Variants in ZFP82 observed in about 807,000 individuals in gnomAD.
ZFP82 encodes zinc finger protein 82 homolog.
In ZFP82, 30 loss-of-function variants were observed where a neutral mutation model predicts 54.0. The ratio of observed to expected loss-of-function variants is 0.56; its 90% CI spans 0.42 to 0.75. ZFP82 has a LOEUF of 0.75. ZFP82 is among the 30% of genes least tolerant of loss of function. The pLI is 0.00. For missense variants in ZFP82, 500 were observed against 636.8 expected (o/e 0.79, Z 2.31); for synonymous variants, 194 against 209.5 (o/e 0.93, Z 0.64).
rs2032169002 is a variant in ZFP82 at position 36,390,074 on chromosome 19, GCT to G, written c.*2665_*2666del. 6.6e-6 allele frequency among the ~76,000 whole-genome samples: 1 copy of G among 152,124 alleles called. No homozygotes were observed. Among genetic ancestry groups the G allele is most frequent in the African/African-American group, 2.4e-5 (1 of 41,428 alleles). On this transcript the variant is annotated 3_prime_UTR_variant, in exon 5 of 5. Transcript: ENST00000392161. The stretch of plus-strand genomic sequence containing the variant: ...CAATAAAAGCTCTGGGCCATGCTGT[GCT>G]CTCACCCTCTGCCTCCTGATACACC...
intron 4 of ZFP82, among the ~76,000 whole-genome samples, chr19:36,403,571 G>C (rs975197563): frequency 7.6e-6 from 1 of 131,492 alleles, no homozygotes; most frequent in African/African-American, 2.9e-5. Flanking sequence ...AGTGAGCCAA[G>C]ATCACGCCAC....
chr19:36,393,036 G>GA lies in ZFP82; in HGVS notation c.1303dup (p.Ser435PhefsTer13), dbSNP rs1220197321. The GA allele has an allele frequency of 1.1e-5, 18 of 1,614,134 alleles. No individual in the cohort carries two copies. The highest frequency in any genetic ancestry group is 1.4e-5 in the Non-Finnish European group (17 of 1,180,022). On this transcript the variant is annotated frameshift_variant, in exon 5 of 5. Transcript: ENST00000392161. LOFTEE classifies it high-confidence loss of function. ...AATACTCTGATGCTGTGTGAGTTGT[G>GA]AAAGTAGTCTGAAGGCCTTCCCGCA...
intron 1 of ZFP82, among the ~76,000 whole-genome samples, chr19:36,418,018 C>G (rs2032702641): frequency 6.6e-6 from 1 of 152,126 alleles, no homozygotes; most frequent in Non-Finnish European, 1.5e-5. Context: ...TAGGCTCAAG[C>G]CATCCTCCCG....
chr19:36,383,574 C>T (rs2032083442), exon 2 of ZFP82: 1 of 146,876 alleles, frequency 6.8e-6, no homozygotes, highest in Non-Finnish European at 1.5e-5. Context: ...GACTCTATTA[C>T]AATAACAATA....
rs2032163366 is a variant in ZFP82, at chr19:36,389,763, G to A, written c.*2978C>T. On this transcript the variant is annotated 3_prime_UTR_variant, in exon 5 of 5. Coordinates refer to ENST00000392161, the MANE Select transcript of ZFP82 (RefSeq NM_133466.4). ...ATTCCTGATGCTCTGGCCACTTGGG[G>A]CCTTGATCCTGGATAGGCTGCCCCT... Among the ~76,000 whole-genome samples, 2 of 152,068 alleles carry A rather than the reference G, an allele frequency of 1.3e-5. No individual in the cohort carries two copies. The highest frequency in any genetic ancestry group is 6.6e-5 in the Admixed American group (1 of 15,266).
chr19:36,409,849 C>A lies in ZFP82; in HGVS notation c.-60G>T. 6.3e-7 allele frequency: 1 copy of A among 1,593,912 alleles called. No individual in the cohort carries two copies. ...GGGGTTTACTTGCCAGGAGAAGCAC[C>A]GAGTCCACAGAGGCTGATCTAGGGA... On this transcript the variant is annotated 5_prime_UTR_variant, in exon 2 of 5. Coordinates refer to ENST00000392161, the MANE Select transcript of ZFP82 (RefSeq NM_133466.4).
At chr19:36,384,912 C>G (rs1433467662), downstream of ZFP82, among the ~76,000 whole-genome samples, 1 of 152,136 alleles carries the variant, frequency 6.6e-6, no homozygotes, top group Non-Finnish European at 1.5e-5. Context: ...GCAAACTGGA[C>G]TTGGAGGTAC....
Position 36,392,688 on chromosome 19 carries a change from T to C in ZFP82, c.*53A>G, listed in dbSNP as rs1451714373. 6.1e-6 allele frequency: 9 copies of C among 1,464,032 alleles called. No homozygotes were observed. In the African/African-American group the frequency reaches 8.5e-5, roughly 14 times the overall value. 90.7% of individuals were successfully genotyped at this position (1,464,032 alleles called of 1,614,324 possible). On this transcript the variant is annotated 3_prime_UTR_variant, in exon 5 of 5. Transcript: ENST00000392161. ...AGTTGCATGTATGGAGCAAAATAGA[T>C]TAATTACTACATTCATAGAATGTTC...
Position 36,392,684 on chromosome 19 carries a change from T to C in ZFP82, c.*57A>G, listed in dbSNP as rs545857530. Reference sequence around the variant, plus strand: ...ACGCAGTTGCATGTATGGAGCAAAATAGATTAATTACTACATTCATAGAAT... The same window carrying C: ...ACGCAGTTGCATGTATGGAGCAAAACAGATTAATTACTACATTCATAGAAT... On this transcript the variant is annotated 3_prime_UTR_variant, in exon 5 of 5. Transcript: ENST00000392161. The C allele has an allele frequency of 3.2e-5, 46 of 1,451,092 alleles. No homozygotes were observed. Among genetic ancestry groups the C allele is most frequent in the East Asian group, 1.2e-4 (5 of 43,152 alleles). 89.9% of individuals were successfully genotyped at this position (1,451,092 alleles called of 1,614,324 possible).
chr19:36,399,044 G>T (rs1415461656), intron 4 of ZFP82, among the ~76,000 whole-genome samples: 1 of 151,930 alleles, frequency 6.6e-6, no homozygotes, highest in Admixed American at 6.6e-5. Flanking sequence ...AAACTCAAAG[G>T]TTTAAATATT....
chr19:36,410,908 T>A (rs1237920414), intron 1 of ZFP82, among the ~76,000 whole-genome samples: 3 of 151,878 alleles, frequency 2.0e-5, no homozygotes, highest in Non-Finnish European at 2.9e-5. Flanking sequence ...ATAAAACCAC[T>A]TGGGCTGGGC....
At chr19:36,405,711 A>G in intron 3 of ZFP82, 39 bp from the exon 4 acceptor site, 2 of 1,463,876 alleles carry the variant, frequency 1.4e-6, no homozygotes, top group Non-Finnish European at 1.9e-6. Context: ...CATGAAAATA[A>G]AAAATAAATC....
At position 36,390,331 on chromosome 19, in the gene ZFP82, C is replaced by CTTTTTTTTTTT. The variant is rs10695573; in HGVS notation, c.*2399_*2409dup. On this transcript the variant is annotated 3_prime_UTR_variant, in exon 5 of 5. Coordinates refer to ENST00000392161, the MANE Select transcript of ZFP82 (RefSeq NM_133466.4). ...TTAAAGTGTAGGATTCCATTTTTGT[C>CTTTTTTTTTTT]TTTTTTTTTTTTTTTTTTGACATGT... 6 of 130,684 alleles carry CTTTTTTTTTTT rather than the reference C, an allele frequency of 4.6e-5. No homozygotes were observed. Among genetic ancestry groups the CTTTTTTTTTTT allele is most frequent in the Non-Finnish European group, 4.7e-5 (3 of 63,184 alleles). The allele number at this position is 130,684 out of a possible 1,614,324, so 8.1% of individuals were successfully genotyped here. A position where few individuals can be genotyped will look rare whatever the true frequency, so the allele number is the denominator to read the frequency against.
At chr19:36,407,799 C>T (rs2032509969) in intron 3 of ZFP82, 88 bp downstream of exon 3, 2 of 1,442,774 alleles carry the variant, frequency 1.4e-6, no homozygotes, top group Non-Finnish European at 9.4e-7. Context: ...ATTTAGATAG[C>T]TTCCTAAAAG....
At chr19:36,414,512 T>C (rs1409777751) in intron 1 of ZFP82, among the ~76,000 whole-genome samples, 2 of 150,922 alleles carry the variant, frequency 1.3e-5, no homozygotes, top group South Asian at 2.1e-4. Context: ...TGCAGGAGCA[T>C]GCCACCACAC....
At position 36,392,735 on chromosome 19, in the gene ZFP82, A is replaced by C. The variant is rs147225050; in HGVS notation, c.*6T>G. On this transcript the variant is annotated 3_prime_UTR_variant, in exon 5 of 5. Coordinates refer to ENST00000392161, the MANE Select transcript of ZFP82 (RefSeq NM_133466.4). Reference sequence around the variant, plus strand: ...GTTCTATAACACAGAAGTTGAAAAGACTTTCTTAGATTTTTACATTATGAA... The same window carrying C: ...GTTCTATAACACAGAAGTTGAAAAGCCTTTCTTAGATTTTTACATTATGAA... 6.5e-7 allele frequency: 1 copy of C among 1,544,014 alleles called. No homozygotes were observed. The highest frequency in any genetic ancestry group is 8.7e-7 in the Non-Finnish European group (1 of 1,152,102).
chr19:36,384,503 C>T (rs1271296279), downstream of ZFP82: 1 of 152,176 alleles, frequency 6.6e-6, no homozygotes, highest in Non-Finnish European at 1.5e-5. Context: ...GTCTGAATTA[C>T]ACTGAGTTAA....
chr19:36,388,346 G>C (rs1000368278), downstream of ZFP82, among the ~76,000 whole-genome samples: 1 of 151,876 alleles, frequency 6.6e-6, no homozygotes, highest in Non-Finnish European at 1.5e-5. Flanking sequence ...TAACGATCTA[G>C]TAAAATTTTG....
rs2145577164 is a variant in ZFP82, at chr19:36,391,098, C to T, written c.*1643G>A. ...TGACCTTTTAACCAGTTGGAATTCT[C>T]TAATCAACAACTTTCCTTCACCAAC... On this transcript the variant is annotated 3_prime_UTR_variant, in exon 5 of 5. Coordinates refer to ENST00000392161, the MANE Select transcript of ZFP82 (RefSeq NM_133466.4). 1 of 152,126 alleles carries T rather than the reference C, an allele frequency of 6.6e-6. No homozygotes were observed. The highest frequency in any genetic ancestry group is 1.9e-4 in the East Asian group (1 of 5,192). The allele number at this position is 152,126 out of a possible 1,614,324, so 9.4% of individuals were successfully genotyped here.
Sources: gnomAD v4.1 joint callset for allele counts (sites outside exome capture counted in the v4.1 genomes callset) on GRCh38, gnomAD v4.1.1 for gene constraint, MANE v1.5 for transcripts, NCBI Gene and HGNC (gene_info 2026-07-23, HGNC 2026-07-21) for gene names.